Variants in RSRC1 observed in about 807,000 individuals in gnomAD.
RSRC1 encodes the protein arginine and serine rich coiled-coil 1, also known as serine/Arginine-related protein 53.
Under a neutral mutation model 49.1 loss-of-function variants are expected in RSRC1, and 39 were observed. The observed-to-expected ratio is 0.79, with a 90% CI of 0.61 to 1.04. RSRC1 has a LOEUF of 1.04. Ranked by LOEUF, RSRC1 falls within the 50% of genes least tolerant of loss-of-function variation. The pLI is 0.00. For missense variants in RSRC1, 388 were observed against 402.4 expected (o/e 0.96, Z 0.31); for synonymous variants, 143 against 130.8 (o/e 1.09, Z -0.63).
intron 6 of RSRC1, among the ~76,000 whole-genome samples, chr3:158,362,151 C>T (rs1731510969): frequency 6.6e-6 from 1 of 152,076 alleles, no homozygotes; most frequent in South Asian, 2.1e-4. Context: ...CCAGCCTAGG[C>T]AACATGGTAA....
rs1028529740 is a variant in RSRC1 at position 158,284,610 on chromosome 3, T to C, written c.495-13429T>C. On this transcript the variant is annotated intron_variant, in intron 4 of 9. Transcript: ENST00000611884. The stretch of plus-strand genomic sequence containing the variant: ...CTAACTGGTGTGAGATGGTATCTCA[T>C]TGTGGTTTTGATTTGCATTTCTCTG... 1.7e-4 allele frequency among the ~76,000 whole-genome samples: 25 copies of C among 146,396 alleles called. 1 individual carries two copies. The highest frequency in any genetic ancestry group is 6.6e-4 in the South Asian group (3 of 4,576).
chr3:158,229,414 G>A (rs1362420189), intron 4 of RSRC1, among the ~76,000 whole-genome samples: 1 of 147,148 alleles, frequency 6.8e-6, no homozygotes, highest in Non-Finnish European at 1.5e-5. Flanking sequence ...ACACGTATAT[G>A]TGTATGTATG....
At chr3:158,473,364 G>T (rs1037362352) in intron 7 of RSRC1, among the ~76,000 whole-genome samples, 2 of 152,064 alleles carry the variant, frequency 1.3e-5, no homozygotes, top group Admixed American at 1.3e-4. Flanking sequence ...TCCTTTGTAG[G>T]GACATGGATG....
chr3:158,475,229 G>T (rs1441618745), intron 7 of RSRC1, among the ~76,000 whole-genome samples: 1 of 151,854 alleles, frequency 6.6e-6, no homozygotes, highest in African/African-American at 2.4e-5. Flanking sequence ...CAGTACAATT[G>T]TTAATCATTC....
At chr3:158,431,936 G>A (rs564142989) in intron 6 of RSRC1, among the ~76,000 whole-genome samples, 36 of 152,000 alleles carry the variant, frequency 2.4e-4, no homozygotes, top group African/African-American at 8.4e-4. Context: ...GTCAAAAGGG[G>A]CATTGCTTTT....
intron 5 of RSRC1, among the ~76,000 whole-genome samples, chr3:158,329,061 T>C (rs1161670286): frequency 6.6e-6 from 1 of 152,208 alleles, no homozygotes; most frequent in Non-Finnish European, 1.5e-5. Flanking sequence ...TGTCACATAG[T>C]TCTTGTGCCA....
intron 6 of RSRC1, among the ~76,000 whole-genome samples, chr3:158,440,753 G>A (rs1736338908): frequency 6.6e-6 from 1 of 152,016 alleles, no homozygotes; most frequent in African/African-American, 2.4e-5. Context: ...AAACCAACCT[G>A]ACGAACATGG....
At chr3:158,276,148 G>A (rs2682404) in intron 4 of RSRC1, 343,214 of 887,718 alleles carry the variant, frequency 0.39, 76,068 homozygotes, top group East Asian at 0.63. Flanking sequence ...GCAAACTTTA[G>A]CTGGTTAACA....
chr3:158,390,069 A>G (rs1431931952), intron 6 of RSRC1, among the ~76,000 whole-genome samples: 1 of 152,226 alleles, frequency 6.6e-6, no homozygotes, highest in African/African-American at 2.4e-5. Flanking sequence ...GCCTTAAGTC[A>G]GAGGAACAAT....
Position 158,503,312 on chromosome 3 carries a change from G to A in RSRC1, c.653-33780G>A, listed in dbSNP as rs140052864. 4.5e-3 allele frequency among the ~76,000 whole-genome samples: 686 copies of A among 152,228 alleles called. 5 individuals carry two copies. Among genetic ancestry groups the A allele is most frequent in the African/African-American group, 0.014 (597 of 41,554 alleles). ...GTATTGGGGGAGTGCAATGGACTCCGTGAGGGTTCTTAGCTTTGGTGGTTT... is the reference window on the plus strand; with the variant it reads ...GTATTGGGGGAGTGCAATGGACTCCATGAGGGTTCTTAGCTTTGGTGGTTT... On this transcript the variant is annotated intron_variant, in intron 7 of 9. Transcript: ENST00000611884.
chr3:158,515,683 C>T (rs1019673622), intron 7 of RSRC1, among the ~76,000 whole-genome samples: 1 of 143,014 alleles, frequency 7.0e-6, no homozygotes, highest in Non-Finnish European at 1.5e-5. Flanking sequence ...GGATAATATC[C>T]TGCAGAGTGT....
intron 4 of RSRC1, among the ~76,000 whole-genome samples, chr3:158,241,459 AAT>A (rs1482385956): frequency 6.6e-6 from 1 of 150,876 alleles, no homozygotes; most frequent in Admixed American, 6.6e-5. Context: ...CTGTCTCAAA[AAT>A]ATATATATAT....
chr3:158,226,607 C>G (rs1428366173), intron 4 of RSRC1, among the ~76,000 whole-genome samples: 1 of 151,848 alleles, frequency 6.6e-6, no homozygotes, highest in Admixed American at 6.6e-5. Flanking sequence ...GTTATTTGCA[C>G]TTTTGTCCAC....
At chr3:158,458,864 TC>T (rs1201247818) in intron 6 of RSRC1, among the ~76,000 whole-genome samples, 1 of 152,152 alleles carries the variant, frequency 6.6e-6, no homozygotes, top group Admixed American at 6.6e-5. Context: ...CATGAGTTCT[TC>T]CTTTATTCAC....
chr3:158,277,508 T>G (rs1332173512), intron 4 of RSRC1, among the ~76,000 whole-genome samples: 4 of 152,204 alleles, frequency 2.6e-5, no homozygotes, highest in Admixed American at 6.5e-5. Context: ...AGTGGACTTG[T>G]GAATATGGAA....
Position 158,544,368 on chromosome 3 carries a change from A to G in RSRC1, c.*93A>G. 2 of 726,782 alleles carry G rather than the reference A, an allele frequency of 2.8e-6. No individual in the cohort carries two copies. Among genetic ancestry groups the G allele is most frequent in the Non-Finnish European group, 4.5e-6 (2 of 440,034 alleles). 45.0% of individuals were successfully genotyped at this position (726,782 alleles called of 1,614,324 possible). A position where few individuals can be genotyped will look rare whatever the true frequency, so the allele number is the denominator to read the frequency against. On this transcript the variant is annotated 3_prime_UTR_variant, in exon 10 of 10. Coordinates refer to ENST00000611884, the MANE Select transcript of RSRC1 (RefSeq NM_001271838.2). ...TATTAACTTTTTACTCTTAAAAAGA[A>G]TTTTGCTGATTATATATAAAGGTAG...
chr3:158,126,794 T>C (rs1715654118), intron 3 of RSRC1, among the ~76,000 whole-genome samples: 1 of 152,232 alleles, frequency 6.6e-6, no homozygotes, highest in South Asian at 2.1e-4. Flanking sequence ...TTAGCTTTTG[T>C]TTATCTGGGA....
At chr3:158,233,305 A>G (rs975809963) in intron 4 of RSRC1, among the ~76,000 whole-genome samples, 2 of 152,078 alleles carry the variant, frequency 1.3e-5, no homozygotes, top group African/African-American at 4.8e-5. Context: ...GCATAGTTAA[A>G]CTTAGTAGGA....
intron 7 of RSRC1, chr3:158,497,055 GT>G (rs1460606463): frequency 6.6e-6 from 1 of 152,036 alleles, no homozygotes; most frequent in African/African-American, 2.4e-5. Flanking sequence ...TTTAATTGTG[GT>G]AAAATAATAC....
Sources: gnomAD v4.1 joint callset for allele counts (sites outside exome capture counted in the v4.1 genomes callset) on GRCh38, gnomAD v4.1.1 for gene constraint, MANE v1.5 for transcripts, NCBI Gene and HGNC (gene_info 2026-07-23, HGNC 2026-07-21) for gene names.